Variants in PWWP3B observed in about 807,000 individuals in gnomAD.
The protein encoded by PWWP3B is PWWP domain-containing DNA repair factor 3B.
In PWWP3B, 5 loss-of-function variants were observed where a neutral mutation model predicts 15.7. The ratio of observed to expected loss-of-function variants is 0.32; its 90% confidence interval spans 0.17 to 0.67. The LOEUF (loss-of-function observed/expected upper bound fraction) is 0.67. PWWP3B is among the 30% of genes least tolerant of loss of function. The pLI is 0.74. For missense variants in PWWP3B, 519 were observed against 493.1 expected (o/e 1.05, Z -0.50); for synonymous variants, 203 against 179.8 (o/e 1.13, Z -1.03).
intron 2 of PWWP3B, among the ~76,000 whole-genome samples, chrX:106,185,110 T>C (rs1922430884): frequency 8.9e-6 from 1 of 111,810 alleles, no homozygotes; most frequent in Non-Finnish European, 1.9e-5. Flanking sequence ...ACAGAAAAGG[T>C]CAAGCTGCAG....
chrX:106,180,642 C>A (rs1330111498), intron 2 of PWWP3B, among the ~76,000 whole-genome samples: 1 of 111,853 alleles, frequency 8.9e-6, no homozygotes, highest in African/African-American at 3.3e-5. Context: ...GCCTCTAAAA[C>A]CACTAGTTTT....
intron 2 of PWWP3B, chrX:106,177,359 G>C (rs1921956329): frequency 8.9e-6 from 1 of 112,497 alleles, no homozygotes; most frequent in Admixed American, 9.4e-5. Flanking sequence ...GAAGCTTCAA[G>C]GTAATGGCTG....
chrX:106,169,949 A>G (rs1398596026), intron 1 of PWWP3B, among the ~76,000 whole-genome samples: 2 of 111,621 alleles, frequency 1.8e-5, no homozygotes, highest in East Asian at 5.6e-4. Flanking sequence ...GAAATCTGGA[A>G]ATAATACATG....
At position 106,208,371 on chromosome X, in the gene PWWP3B, T is replaced by C. The variant is rs1383040889; in HGVS notation, c.*848T>C. 2 of 123,621 alleles carry C rather than the reference T, an allele frequency of 1.6e-5. No homozygotes were observed. The highest frequency in any genetic ancestry group is 6.5e-5 in the African/African-American group (2 of 30,889). The allele number at this position is 123,621 out of a possible 1,213,427, so 10.2% of individuals were successfully genotyped here. A position where few individuals can be genotyped will look rare whatever the true frequency, so the allele number is the denominator to read the frequency against. On this transcript the variant is annotated 3_prime_UTR_variant, in exon 4 of 4. Transcript: ENST00000357175. ...CACATGTGGAAGGCAGCTAGACTTA[T>C]TGTATTTACAGCCTGGCCACTCTAG...
At chrX:106,201,047 CAA>C (rs536453025) in intron 2 of PWWP3B, among the ~76,000 whole-genome samples, 1 of 82,292 alleles carries the variant, frequency 1.2e-5, no homozygotes, top group Non-Finnish European at 2.4e-5. Flanking sequence ...GACTCCGTCT[CAA>C]AAAAAAAAAT....
rs757267759 is a variant in PWWP3B, at chrX:106,205,842, A to G, written c.410A>G (p.Asp137Gly). The G allele has an allele frequency of 5.0e-6, 6 of 1,211,651 alleles. No homozygotes were observed. The highest frequency in any genetic ancestry group is 3.4e-6 in the Non-Finnish European group (3 of 895,441). ...CCCCCTCATAAAAAATACCGGAAGG[A>G]TGAAGGTGACTTACCAGGGTGTCTT... ...DSPPHKKYRK[D>G]EGDLPGCLEE... is the part of the protein sequence containing the mutation. The change falls in exon 4 of 4, where the codon GAT (aspartate) becomes GGT (glycine). Residue 137 changes from aspartate (D) to glycine (G), a missense_variant. By Grantham distance (94) the Asp-to-Gly change is moderately conservative. Transcript: ENST00000357175.
Position 106,206,672 on chromosome X carries a change from A to G in PWWP3B, c.1240A>G (p.Arg414Gly). 8.3e-7 allele frequency: 1 copy of G among 1,209,597 alleles called. No individual in the cohort carries two copies. The highest frequency in any genetic ancestry group is 1.8e-5 in the South Asian group (1 of 56,516). The change falls in exon 4 of 4, where the codon AGA (arginine) becomes GGA (glycine). Residue 414 changes from arginine (R) to glycine (G), a missense_variant. Transcript: ENST00000357175. ...PFWPAVIKSIRRKERKASVLF... is the reference protein window; with the variant it reads ...PFWPAVIKSIGRKERKASVLF... The stretch of plus-strand genomic sequence containing the variant: ...TTGGCCAGCAGTGATAAAAAGTATC[A>G]GACGAAAAGAGAGGAAAGCAAGTGT...
intron 2 of PWWP3B, among the ~76,000 whole-genome samples, chrX:106,192,604 T>G (rs1923066046): frequency 9.0e-6 from 1 of 111,199 alleles, no homozygotes; most frequent in African/African-American, 3.3e-5. Flanking sequence ...TGTTTGCTCT[T>G]GCTTTTCTAG....
Position 106,194,416 on chromosome X carries a change from A to G in PWWP3B, c.-400-9569A>G, listed in dbSNP as rs942022320. Among the ~76,000 whole-genome samples the G allele has an allele frequency of 2.7e-5, 3 of 111,146 alleles. No individual in the cohort carries two copies. In the East Asian group the frequency reaches 8.5e-4, roughly 32 times the overall value. The stretch of plus-strand genomic sequence containing the variant: ...TCAGGTCCTTTAAGGACTTCTCTGC[A>G]TTGGTTATTCTAGTTATACATTCGT... On this transcript the variant is annotated intron_variant, in intron 2 of 3. Coordinates refer to ENST00000357175, the MANE Select transcript of PWWP3B (RefSeq NM_001171020.2).
In PWWP3B at chrX:106,207,191, T is replaced by G. The variant is rs1413281332; in HGVS notation, c.1759T>G (p.Leu587Val). The change falls in exon 4 of 4, where the codon TTG becomes GTG. Residue 587 changes from leucine (L) to valine (V), a missense_variant. Leu to Val is a conservative substitution (Grantham distance 32). Transcript: ENST00000357175. ...TKGSRWLKSF[L>V]NANRFTPCIE... Reference sequence around the variant, plus strand: ...AGGATCCAGATGGCTGAAATCATTTTTGAATGCAAATAGGTTCACACCCTG... The same window carrying G: ...AGGATCCAGATGGCTGAAATCATTTGTGAATGCAAATAGGTTCACACCCTG... The G allele has an allele frequency of 8.3e-7, 1 of 1,208,011 alleles. No homozygotes were observed. The highest frequency in any genetic ancestry group is 1.8e-5 in the South Asian group (1 of 56,097).
intron 2 of PWWP3B, among the ~76,000 whole-genome samples, chrX:106,180,733 C>T (rs1430228807): frequency 8.9e-6 from 1 of 112,280 alleles, no homozygotes; most frequent in African/African-American, 3.2e-5. Context: ...GATTTCTAAC[C>T]TATATCCAGA....
At chrX:106,183,567 C>T (rs1201207774) in intron 2 of PWWP3B, among the ~76,000 whole-genome samples, 2 of 111,781 alleles carry the variant, frequency 1.8e-5, no homozygotes, top group Non-Finnish European at 3.8e-5. Flanking sequence ...ATGTCCCTCC[C>T]TAATAAGGGT....
In PWWP3B at chrX:106,206,090, G is replaced by T; in HGVS notation, c.658G>T (p.Val220Leu). Reference sequence around the variant, plus strand: ...GATTGATATCTCAGCAGTTATGTCTGTGCATTCTGCAGTCAAAGAGGAAAG... The same window carrying T: ...GATTGATATCTCAGCAGTTATGTCTTTGCATTCTGCAGTCAAAGAGGAAAG... Reference protein sequence around the residue: ...NKIDISAVMSVHSAVKEESAC... With the variant: ...NKIDISAVMSLHSAVKEESAC... The change falls in exon 4 of 4, where the codon GTG (valine) becomes TTG (leucine). Residue 220 changes from valine to leucine, a missense_variant. Val to Leu is a conservative substitution (Grantham distance 32). Coordinates refer to ENST00000357175, the MANE Select transcript of PWWP3B (RefSeq NM_001171020.2). The T allele has an allele frequency of 8.3e-7, 1 of 1,211,232 alleles. No homozygotes were observed. Among genetic ancestry groups the T allele is most frequent in the Non-Finnish European group, 1.1e-6 (1 of 895,118 alleles).
intron 1 of PWWP3B, among the ~76,000 whole-genome samples, chrX:106,169,322 A>G (rs1309925345): frequency 1.8e-5 from 2 of 111,987 alleles, no homozygotes; most frequent in African/African-American, 6.5e-5. Context: ...ATATTCAAAC[A>G]TGTATGTGAT....
intron 3 of PWWP3B, among the ~76,000 whole-genome samples, chrX:106,204,860 A>G (rs1361833443): frequency 9.0e-6 from 1 of 111,462 alleles, no homozygotes; most frequent in African/African-American, 3.3e-5. Flanking sequence ...AAGTTTGGAG[A>G]CCCACTGCTA....
Position 106,205,322 on chromosome X carries a change from C to T in PWWP3B, c.-111C>T, listed in dbSNP as rs1923929019. On this transcript the variant is annotated 5_prime_UTR_variant, in exon 4 of 4. It adds an upstream start codon to the 5' untranslated region. Transcript: ENST00000357175. ...CTGTAAACCCTTTGTAGTCATAAGA[C>T]GAAAGAGGATTTGTTAAGAGTATTG... The T allele has an allele frequency of 1.1e-5, 8 of 755,228 alleles. No individual in the cohort carries two copies. The highest frequency in any genetic ancestry group is 1.1e-4 in the East Asian group (3 of 28,365). 62.2% of individuals were successfully genotyped at this position (755,228 alleles called of 1,213,427 possible).
rs189541806 is a variant in PWWP3B at position 106,197,464 on chromosome X, T to C, written c.-400-6521T>C. On this transcript the variant is annotated intron_variant, in intron 2 of 3. Transcript: ENST00000357175. ...TAGTGTCTTAAGGCTTTGCTTCTCATGACAGAAAGGTTCTGTGGGGTTGTA... is the reference window on the plus strand; with the variant it reads ...TAGTGTCTTAAGGCTTTGCTTCTCACGACAGAAAGGTTCTGTGGGGTTGTA... Among the ~76,000 whole-genome samples the C allele has an allele frequency of 3.0e-3, 339 of 111,974 alleles. 3 individuals carry two copies. Among genetic ancestry groups the C allele is most frequent in the African/African-American group, 0.01 (323 of 30,829 alleles).
intron 2 of PWWP3B, among the ~76,000 whole-genome samples, chrX:106,179,827 T>A (rs182145229): frequency 1.8e-5 from 2 of 112,277 alleles, no homozygotes; most frequent in African/African-American, 6.5e-5. Context: ...GCCATAACAT[T>A]TTAAATTAAA....
chrX:106,168,555 C>T (rs767597580), intron 1 of PWWP3B, 130 bp downstream of exon 1: 78 of 112,002 alleles, frequency 7.0e-4, no homozygotes, highest in African/African-American at 2.5e-3. Flanking sequence ...AGTCCACAGT[C>T]GGGGAGGTGG....
Sources: gnomAD v4.1 joint callset for allele counts (sites outside exome capture counted in the v4.1 genomes callset) on GRCh38, gnomAD v4.1.1 for gene constraint, MANE v1.5 for transcripts, NCBI Gene and HGNC (gene_info 2026-07-23, HGNC 2026-07-21) for gene names.